Variants in TBK1 observed in about 807,000 individuals in gnomAD.
TBK1 encodes the protein TANK binding kinase 1.
Under a neutral mutation model 99.9 loss-of-function variants are expected in TBK1, and 37 were observed. That is an observed-to-expected ratio of 0.37 (90% CI 0.28 to 0.49). The LOEUF (loss-of-function observed/expected upper bound fraction) is 0.49. Among genes scored for constraint, TBK1 ranks in the 20% least tolerant of loss-of-function variants. The pLI is 0.98. For synonymous variants in TBK1, 258 were observed against 279.8 expected (o/e 0.92, Z 0.78); for missense variants, 644 against 872.5 (o/e 0.74, Z 3.30).
intron 8 of TBK1, chr12:64,484,093 C>A: frequency 2.5e-6 from 1 of 400,998 alleles, no homozygotes. Flanking sequence ...CACAGGTATC[C>A]AAACATAAAA....
intron 1 of TBK1, among the ~76,000 whole-genome samples, chr12:64,453,118 T>G (rs116870042): frequency 9.2e-5 from 14 of 152,190 alleles, no homozygotes; most frequent in Admixed American, 3.9e-4. Context: ...TTGGGAAGAT[T>G]TATATGGCAA....
Position 64,460,178 on chromosome 12 carries a change from C to CT in TBK1, c.88-5dup. 1 of 1,462,898 alleles carries CT rather than the reference C, an allele frequency of 6.8e-7. No individual in the cohort carries two copies. The highest frequency in any genetic ancestry group is 1.4e-5 in the South Asian group (1 of 72,338). The allele number at this position is 1,462,898 out of a possible 1,614,324, so 90.6% of individuals were successfully genotyped here. A position where few individuals can be genotyped will look rare whatever the true frequency, so the allele number is the denominator to read the frequency against. On this transcript the variant is annotated splice_polypyrimidine_tract_variant and intron_variant, in intron 2 of 20. Coordinates refer to ENST00000331710, the MANE Select transcript of TBK1 (RefSeq NM_013254.4). ...ATGAATAAATAAAACATTTCTCTCTCTTTTTTAAAGAAAACTGGTGATTTA... is the reference window on the plus strand; with the variant it reads ...ATGAATAAATAAAACATTTCTCTCTCTTTTTTTAAAGAAAACTGGTGATTTA...
intron 3 of TBK1, among the ~76,000 whole-genome samples, chr12:64,463,896 G>A (rs1039435725): frequency 1.0e-4 from 15 of 147,354 alleles, no homozygotes; most frequent in South Asian, 8.6e-4. Context: ...ATGGAGTCTC[G>A]CTCTGTCACC....
intron 5 of TBK1, among the ~76,000 whole-genome samples, chr12:64,470,686 A>C (rs755844836): frequency 6.6e-5 from 10 of 152,202 alleles, no homozygotes; most frequent in Non-Finnish European, 1.5e-4. Context: ...TAGGAGGATC[A>C]TTTTTCAGAA....
chr12:64,486,617 T>C lies in TBK1; in HGVS notation c.1340+600T>C, dbSNP rs1470102173. Among the ~76,000 whole-genome samples the C allele has an allele frequency of 8.3e-5, 12 of 145,448 alleles. No individual in the cohort carries two copies. The East Asian group carries it at 2.3e-3, about 28-fold the overall frequency. The stretch of plus-strand genomic sequence containing the variant: ...ACCCAGCTAATTTTTTTTTTTTTAG[T>C]GATGGGGGGTCTAGTTATGTTGCCC... On this transcript the variant is annotated intron_variant, in intron 11 of 20. Transcript: ENST00000331710.
Position 64,474,257 on chromosome 12 carries a change from C to T in TBK1, c.568C>T (p.Leu190=), listed in dbSNP as rs2040690848. ...CCCTGATATGTATGAGAGAGCAGTG[C>T]TAAGAAAAGATCATCAGAAGAAATA... ...LHPDMYERAV[L]RKDHQKKYGA... Residue 190 remains leucine (L), a synonymous_variant, in exon 6 of 21, where the codon CTA becomes TTA. Transcript: ENST00000331710. The T allele has an allele frequency of 6.2e-7, 1 of 1,613,090 alleles. No homozygotes were observed. Among genetic ancestry groups the T allele is most frequent in the Non-Finnish European group, 8.5e-7 (1 of 1,179,840 alleles).
At chr12:64,456,047 A>G (rs934958058) in intron 2 of TBK1, 90 bp downstream of exon 2, 1 of 911,096 alleles carries the variant, frequency 1.1e-6, no homozygotes, top group Non-Finnish European at 1.7e-6. Flanking sequence ...TGACTTGGTG[A>G]TTTTGATCCC....
At chr12:64,465,515 A>G (rs2040595174) in intron 4 of TBK1, among the ~76,000 whole-genome samples, 1 of 150,410 alleles carries the variant, frequency 6.6e-6, no homozygotes, top group African/African-American at 2.5e-5. Flanking sequence ...AAAAAAAAAG[A>G]TGAAAACAGC....
At chr12:64,476,150 CTTTTTTTT>C (rs59104364) in intron 6 of TBK1, among the ~76,000 whole-genome samples, 2 of 51,820 alleles carry the variant, frequency 3.9e-5, no homozygotes, top group African/African-American at 7.5e-5. Flanking sequence ...GCGTAGTCTT[CTTTTTTTT>C]TTTTTTTTTT....
At chr12:64,483,686 T>C (rs1187216629) in intron 8 of TBK1, among the ~76,000 whole-genome samples, 1 of 152,168 alleles carries the variant, frequency 6.6e-6, no homozygotes, top group Non-Finnish European at 1.5e-5. Context: ...TAAACCGCTC[T>C]GCTATGTTGG....
At chr12:64,487,773 A>G (rs6581568) in intron 11 of TBK1, among the ~76,000 whole-genome samples, 63,787 of 151,952 alleles carry the variant, frequency 0.42, 15,979 homozygotes, top group Non-Finnish European at 0.56. Context: ...TGTTTTTACA[A>G]TCTTTAAAAG....
At chr12:64,456,268 C>A (rs933562723) in intron 2 of TBK1, among the ~76,000 whole-genome samples, 3 of 152,082 alleles carry the variant, frequency 2.0e-5, no homozygotes, top group Admixed American at 6.6e-5. Context: ...ATTTCACTGA[C>A]AGAAGTTCAG....
At position 64,488,535 on chromosome 12, in the gene TBK1, AGTT is replaced by A; in HGVS notation, c.1392_1394del (p.Val465del). The A allele has an allele frequency of 6.2e-7, 1 of 1,605,118 alleles. No individual in the cohort carries two copies. Among genetic ancestry groups the A allele is most frequent in the Non-Finnish European group, 8.5e-7 (1 of 1,177,058 alleles). ...ATGAAACTGTTCACAAAAAGACAGA[AGTT>A]GTGATCACATTGGATTTCTGTATCA... On this transcript the variant is annotated inframe_deletion, in exon 12 of 21. Transcript: ENST00000331710.
chr12:64,501,088 C>T (rs2040983825), intron 20 of TBK1, among the ~76,000 whole-genome samples: 1 of 152,054 alleles, frequency 6.6e-6, no homozygotes, highest in African/African-American at 2.4e-5. Flanking sequence ...AAATCCCACC[C>T]CACCAGAAAG....
chr12:64,489,797 C>T (rs1169640947), intron 12 of TBK1, among the ~76,000 whole-genome samples: 3 of 150,174 alleles, frequency 2.0e-5, no homozygotes, highest in African/African-American at 7.4e-5. Context: ...AGGATGGTCT[C>T]CATCTCCTAA....
intron 5 of TBK1, among the ~76,000 whole-genome samples, chr12:64,471,895 A>G (rs2040665937): frequency 6.6e-6 from 1 of 152,090 alleles, no homozygotes; most frequent in South Asian, 2.1e-4. Flanking sequence ...GCAGTATATT[A>G]TTGCACCGTG....
rs747254616 is a variant in TBK1 at position 64,490,111 on chromosome 12, T to C, written c.1513T>C (p.Leu505=). ...LGEISDIHTK[L]LRLSSSQGTI... Reference sequence around the variant, plus strand: ...TGAAATTTCAGACATACACACCAAATTGTTGAGAGTAAGTGTTTACAAAAT... The same window carrying C: ...TGAAATTTCAGACATACACACCAAACTGTTGAGAGTAAGTGTTTACAAAAT... The change falls in exon 13 of 21, where the codon TTG becomes CTG. Residue 505 remains leucine, a synonymous_variant. Coordinates refer to ENST00000331710, the MANE Select transcript of TBK1 (RefSeq NM_013254.4). 6.2e-7 allele frequency: 1 copy of C among 1,609,410 alleles called. No homozygotes were observed. The highest frequency in any genetic ancestry group is 1.7e-5 in the Admixed American group (1 of 59,680).
intron 3 of TBK1, 124 bp downstream of exon 3, chr12:64,460,453 AT>A (rs1227682890): frequency 3.6e-5 from 22 of 618,310 alleles, no homozygotes. Flanking sequence ...CAAATACTTT[AT>A]CCTAAAGGAT....
In TBK1 at chr12:64,495,538, T is replaced by A; in HGVS notation, c.1577T>A (p.Leu526Ter). The change falls in exon 14 of 21, where the codon TTA (leucine) becomes TAA (stop). Residue 526 changes from leucine to a stop codon, truncating the protein, a stop_gained. Coordinates refer to ENST00000331710, the MANE Select transcript of TBK1 (RefSeq NM_013254.4). LOFTEE classifies it high-confidence loss of function. ...ETSLQDIDSR[L>*]SPGGSLADAW... is the part of the protein sequence containing the mutation. The stretch of plus-strand genomic sequence containing the variant: ...AGTCTTCAGGATATCGACAGCAGAT[T>A]ATCTCCAGGTGGATCACTGGCAGAC... The A allele has an allele frequency of 6.2e-7, 1 of 1,614,096 alleles. No individual in the cohort carries two copies. The highest frequency in any genetic ancestry group is 8.5e-7 in the Non-Finnish European group (1 of 1,179,958).
Sources: gnomAD v4.1 joint callset for allele counts (sites outside exome capture counted in the v4.1 genomes callset) on GRCh38, gnomAD v4.1.1 for gene constraint, MANE v1.5 for transcripts, NCBI Gene and HGNC (gene_info 2026-07-23, HGNC 2026-07-21) for gene names.